Variants in CEP290 observed in about 807,000 individuals in gnomAD.
The protein encoded by CEP290 is centrosomal protein of 290 kDa.
Under a neutral mutation model 344.9 loss-of-function variants are expected in CEP290, and 317 were observed. That is an observed-to-expected ratio of 0.92 (90% CI 0.84 to 1.01). The LOEUF (loss-of-function observed/expected upper bound fraction) is 1.01. Ranked by LOEUF, CEP290 falls within the 50% of genes least tolerant of loss-of-function variation. The probability of loss-of-function intolerance (pLI) is 0.00; values close to 1 mark genes in which losing one functional copy is unlikely to be tolerated. For synonymous variants in CEP290, 932 were observed against 895.8 expected, an observed-to-expected ratio of 1.04 and a Z score of -0.72; for missense variants, 2,754 against 2,761.4, an observed-to-expected ratio of 1.00 and a Z score of 0.06.
chr12:88,136,162 A>G (rs2040343563), intron 6 of CEP290: 1 of 156,442 alleles, frequency 6.4e-6, no homozygotes, highest in Admixed American at 6.4e-5. Context: ...ATACATATAT[A>G]TATATATCTC....
chr12:88,114,476 C>A lies in CEP290; in HGVS notation c.1996G>T (p.Asp666Tyr). 2 of 1,548,322 alleles carry A rather than the reference C, an allele frequency of 1.3e-6. No individual in the cohort carries two copies. Among genetic ancestry groups the A allele is most frequent in the Non-Finnish European group, 1.7e-6 (2 of 1,145,580 alleles). ...QAIKEMQKDP[D>Y]VKGGETSLII... ...AGAGATGTTTCTCCTCCTTTAACAT[C>A]AGGATCTTTCTGCATTTCCTTAATT... Residue 666 changes from aspartate (D) to tyrosine (Y), a missense_variant, in exon 20 of 54, where the codon GAT becomes TAT. By Grantham distance (160) the Asp-to-Tyr change is radical (BLOSUM62 -3). Transcript: ENST00000552810.
At position 88,080,280 on chromosome 12, in the gene CEP290, C is replaced by A. The variant is rs2036101459; in HGVS notation, c.5128G>T (p.Ala1710Ser). 1 of 1,613,560 alleles carries A rather than the reference C, an allele frequency of 6.2e-7. No homozygotes were observed. The highest frequency in any genetic ancestry group is 8.5e-7 in the Non-Finnish European group (1 of 1,179,792). The stretch of plus-strand genomic sequence containing the variant: ...GCTCTTGAATTTGCTTCTTTTTGAG[C>A]CTGAAGTTCAGATTTTAAACACTGT... ...ESQCLKSELQ[A>S]QKEANSRAPT... Residue 1710 changes from alanine to serine, a missense_variant, in exon 38 of 54, where the codon GCT becomes TCT. By Grantham distance (99) the Ala-to-Ser change is moderately conservative (BLOSUM62 1). Coordinates refer to ENST00000552810, the MANE Select transcript of CEP290 (RefSeq NM_025114.4).
chr12:88,064,196 G>T, intron 44 of CEP290, 81 bp from the exon 45 acceptor site: 1 of 1,216,490 alleles, frequency 8.2e-7, no homozygotes, highest in East Asian at 2.7e-5. Context: ...AGAAAATACT[G>T]TCAAAAGGTA....
intron 44 of CEP290, 50 bp downstream of exon 44, chr12:88,068,472 T>C (rs2035107583): frequency 5.7e-6 from 7 of 1,222,964 alleles, no homozygotes; most frequent in Middle Eastern, 2.9e-4. Flanking sequence ...TTCACTTTCA[T>C]GCATTTTAAC....
At chr12:88,077,996 T>C (rs1188587079) in intron 39 of CEP290, 78 bp from the exon 40 acceptor site, 7 of 598,908 alleles carry the variant, frequency 1.2e-5, no homozygotes. Context: ...AAACAGAAAA[T>C]ATACCATTAT....
At chr12:88,125,440 G>A (rs1263504004) in intron 12 of CEP290, 71 bp from the exon 13 acceptor site, 10 of 798,394 alleles carry the variant, frequency 1.3e-5, no homozygotes, top group African/African-American at 5.4e-5. Context: ...AAAAAAGTAC[G>A]TCTGATTTTT....
intron 52 of CEP290, 136 bp downstream of exon 52, chr12:88,053,516 A>G (rs1481893679): frequency 1.6e-6 from 1 of 612,752 alleles, no homozygotes; most frequent in Non-Finnish European, 2.9e-6. Context: ...ACAGAGAGAC[A>G]AAAGACCCAA....
Position 88,111,851 on chromosome 12 carries a change from T to A in CEP290, c.2060A>T (p.Glu687Val), listed in dbSNP as rs932362741. Residue 687 changes from glutamate (E) to valine (V), a missense_variant, in exon 21 of 54, where the codon GAA becomes GTA. Glu to Val is a moderately radical substitution (Grantham distance 121). Transcript: ENST00000552810. The part of the protein sequence containing the change: ...PSLERLVNAI[E>V]SKNAEGIFDA... ...AAAGATTCCTTCTGCATTCTTTGAT[T>A]CTATAGCCTAGCAAATTTATATTAT... 7 of 1,576,016 alleles carry A rather than the reference T, an allele frequency of 4.4e-6. No individual in the cohort carries two copies. The highest frequency in any genetic ancestry group is 3.7e-5 in the Admixed American group (2 of 54,248).
intron 41 of CEP290, among the ~76,000 whole-genome samples, chr12:88,075,615 G>A (rs1382833352): frequency 1.3e-5 from 2 of 152,024 alleles, no homozygotes; most frequent in Non-Finnish European, 2.9e-5. Flanking sequence ...ATGCTAAGGA[G>A]AATGAAATGC....
rs77135645 is a variant in CEP290, at chr12:88,077,804, G to T, written c.5479C>A (p.Gln1827Lys). The part of the protein sequence containing the change: ...DNLNDLNNEL[Q>K]KKQKAYNKIL... The stretch of plus-strand genomic sequence containing the variant: ...TTATTATAGGCTTTTTGTTTCTTTT[G>T]CAGTTCATTATTTAAGTCATTCAAA... Residue 1827 changes from glutamine (Q) to lysine (K), a missense_variant, in exon 40 of 54, where the codon CAA (glutamine) becomes AAA (lysine). Gln to Lys is a moderately conservative substitution (Grantham distance 53). Transcript: ENST00000552810. 3 of 1,547,412 alleles carry T rather than the reference G, an allele frequency of 1.9e-6. No individual in the cohort carries two copies. The highest frequency in any genetic ancestry group is 1.2e-5 in the South Asian group (1 of 84,204).
At chr12:88,098,904 T>C (rs568680830) in intron 26 of CEP290, among the ~76,000 whole-genome samples, 2 of 152,044 alleles carry the variant, frequency 1.3e-5, no homozygotes, top group South Asian at 2.1e-4. Flanking sequence ...TAAGAGTCAA[T>C]AGTAGTAAAA....
At position 88,059,892 on chromosome 12, in the gene CEP290, T is replaced by A. The variant is rs765992358; in HGVS notation, c.6645+6A>T. The A allele has an allele frequency of 4.4e-6, 7 of 1,574,070 alleles. No homozygotes were observed. Among genetic ancestry groups the A allele is most frequent in the Non-Finnish European group, 6.0e-6 (7 of 1,164,598 alleles). On this transcript the variant is annotated splice_donor_region_variant and intron_variant, in intron 48 of 53. Coordinates refer to ENST00000552810, the MANE Select transcript of CEP290 (RefSeq NM_025114.4). ...CAAAAGTTATAATCAGTCATAAAAG[T>A]CATACTTTTTTAAGTTCTTTACGAA...
At position 88,063,993 on chromosome 12, in the gene CEP290, C is replaced by A. The variant is rs1195491242; in HGVS notation, c.6258G>T (p.Leu2086Phe). 6.3e-7 allele frequency: 1 copy of A among 1,595,510 alleles called. No individual in the cohort carries two copies. Among genetic ancestry groups the A allele is most frequent in the Non-Finnish European group, 8.5e-7 (1 of 1,172,122 alleles). ...ACATTAAATTCACCTTTAATCTTGGCAAATCTTTATTTGCTTGTTCAAGCT... is the reference window on the plus strand; with the variant it reads ...ACATTAAATTCACCTTTAATCTTGGAAAATCTTTATTTGCTTGTTCAAGCT... Reference protein sequence around the residue: ...KFQLEQANKDLPRLKNQVRDL... With the variant: ...KFQLEQANKDFPRLKNQVRDL... Residue 2086 changes from leucine (L) to phenylalanine (F), a missense_variant, in exon 45 of 54, where the codon TTG (leucine) becomes TTT (phenylalanine). Physicochemically the swap from Leu to Phe is conservative, Grantham distance 22. Coordinates refer to ENST00000552810, the MANE Select transcript of CEP290 (RefSeq NM_025114.4).
chr12:88,101,047 T>G (rs2037832784), intron 26 of CEP290, among the ~76,000 whole-genome samples: 1 of 152,052 alleles, frequency 6.6e-6, no homozygotes, highest in South Asian at 2.1e-4. Context: ...CAGGGTAGGA[T>G]TCATGTTTAG....
intron 6 of CEP290, among the ~76,000 whole-genome samples, chr12:88,131,850 T>C (rs1398213297): frequency 6.6e-6 from 1 of 152,234 alleles, no homozygotes; most frequent in African/African-American, 2.4e-5. Flanking sequence ...ATCTTTATTT[T>C]ACTTTTCTAA....
At chr12:88,131,016 C>T (rs1311918755) in intron 7 of CEP290, 149 bp downstream of exon 7, 1 of 590,162 alleles carries the variant, frequency 1.7e-6, no homozygotes, top group Non-Finnish European at 2.7e-6. Context: ...TTCTATTTCC[C>T]TGAGACAAAG....
At chr12:88,068,438 G>C (rs1368630836) in intron 44 of CEP290, 84 bp downstream of exon 44, 4 of 924,688 alleles carry the variant, frequency 4.3e-6, no homozygotes, top group Non-Finnish European at 4.5e-6. Context: ...TAATGCTTTT[G>C]GCCAGATTAA....
intron 41 of CEP290, among the ~76,000 whole-genome samples, chr12:88,075,309 G>T (rs1420053012): frequency 6.6e-6 from 1 of 152,112 alleles, no homozygotes; most frequent in Admixed American, 6.5e-5. Flanking sequence ...TAGACTGAAT[G>T]AGAAGAGGGA....
intron 17 of CEP290, among the ~76,000 whole-genome samples, chr12:88,117,576 G>T (rs370895894): frequency 1.2e-4 from 19 of 152,174 alleles, no homozygotes; most frequent in African/African-American, 4.6e-4. Flanking sequence ...CGTGCTTGGG[G>T]ATTTGGGGCA....
Sources: gnomAD v4.1 joint callset for allele counts (sites outside exome capture counted in the v4.1 genomes callset) on GRCh38, gnomAD v4.1.1 for gene constraint, MANE v1.5 for transcripts, NCBI Gene and HGNC (gene_info 2026-07-23, HGNC 2026-07-21) for gene names.